The following PRKCQ variants were observed in gnomAD, a reference collection of about 807,000 sequenced individuals.
The protein encoded by PRKCQ is protein kinase C theta.
A neutral mutation model predicts 91.2 loss-of-function variants in PRKCQ; 41 were observed. The ratio of observed to expected loss-of-function variants is 0.45; its 90% CI spans 0.35 to 0.58. PRKCQ has a LOEUF of 0.58. PRKCQ is among the 20% of genes least tolerant of loss of function. PRKCQ has a pLI of 0.00. For missense variants in PRKCQ, 673 were observed against 896.5 expected (o/e 0.75, Z 3.18); for synonymous variants, 307 against 316.9 (o/e 0.97, Z 0.33).
intron 1 of PRKCQ, among the ~76,000 whole-genome samples, chr10:6,567,000 T>A (rs1376357009): frequency 6.6e-6 from 1 of 152,182 alleles, no homozygotes; most frequent in Non-Finnish European, 1.5e-5. Flanking sequence ...GGAGGCCTCA[T>A]GAACCTCCTC....
At chr10:6,397,093 A>G in the PRKCQ span, among the ~76,000 whole-genome samples, 1 of 151,802 alleles carries the variant, frequency 6.6e-6, no homozygotes, top group Non-Finnish European at 1.5e-5. Context: ...AAAAATGTCT[A>G]TTCAAATTAT....
chr10:6,524,779 G>A (rs1008400421), intron 1 of PRKCQ, among the ~76,000 whole-genome samples: 1 of 152,170 alleles, frequency 6.6e-6, no homozygotes, highest in Non-Finnish European at 1.5e-5. Context: ...AGGGTAGTGG[G>A]CCAAGGTCTG....
At chr10:6,564,068 C>T (rs182289113) in intron 1 of PRKCQ, among the ~76,000 whole-genome samples, 2 of 152,234 alleles carry the variant, frequency 1.3e-5, no homozygotes, top group African/African-American at 2.4e-5. Flanking sequence ...TGGGGAGCTA[C>T]GAGGTGCTCA....
chr10:6,513,581 T>C (rs769568337), intron 2 of PRKCQ, among the ~76,000 whole-genome samples: 18 of 152,284 alleles, frequency 1.2e-4, no homozygotes, highest in African/African-American at 4.1e-4. Context: ...ACTTCAAAGA[T>C]GTCTGTGACA....
At chr10:6,526,239 G>A (rs4750565) in intron 1 of PRKCQ, among the ~76,000 whole-genome samples, 12,879 of 152,100 alleles carry the variant, frequency 0.085, 691 homozygotes, top group Middle Eastern at 0.21. Flanking sequence ...TATGATTACA[G>A]TATCCACGAT....
intron 17 of PRKCQ, among the ~76,000 whole-genome samples, chr10:6,429,498 C>T (rs1421486868): frequency 6.6e-6 from 1 of 152,050 alleles, no homozygotes; most frequent in Non-Finnish European, 1.5e-5. Context: ...TTCTTCTGGC[C>T]ATTCGCTATC....
At position 6,497,832 on chromosome 10, in the gene PRKCQ, C is replaced by T. The variant is rs1280546397; in HGVS notation, c.542+564G>A. On this transcript the variant is annotated intron_variant, in intron 5 of 17. Coordinates refer to ENST00000263125, the MANE Select transcript of PRKCQ (RefSeq NM_006257.5). The surrounding 1 kb of genome is among the most constrained non-coding windows in gnomAD (Gnocchi z 4.5). Reference sequence around the variant, plus strand: ...TGTGCTTTAACAGTTTCTGCAGTAGCCTAAAGGGAAGAGTATCCCTTAATA... The same window carrying T: ...TGTGCTTTAACAGTTTCTGCAGTAGTCTAAAGGGAAGAGTATCCCTTAATA... 6.6e-6 allele frequency among the ~76,000 whole-genome samples: 1 copy of T among 152,132 alleles called. No individual in the cohort carries two copies. The highest frequency in any genetic ancestry group is 1.9e-4 in the East Asian group (1 of 5,190).
intron 2 of PRKCQ, 135 bp downstream of exon 2, chr10:6,514,883 G>A (rs917376941): frequency 2.1e-6 from 3 of 1,429,448 alleles, no homozygotes; most frequent in Admixed American, 2.0e-5. Context: ...TGGCTTTGCT[G>A]GGCATCAGCG....
intron 1 of PRKCQ, among the ~76,000 whole-genome samples, chr10:6,557,248 G>A (rs146803020): frequency 7.9e-5 from 12 of 152,220 alleles, no homozygotes; most frequent in Non-Finnish European, 1.8e-4. Flanking sequence ...AGCACTCTGT[G>A]GATCTATCTT....
chr10:6,446,880 G>A (rs1463289416), intron 15 of PRKCQ, among the ~76,000 whole-genome samples: 1 of 152,184 alleles, frequency 6.6e-6, no homozygotes, highest in Non-Finnish European at 1.5e-5. Flanking sequence ...ACCGAACGAC[G>A]CCAGAGCAAG....
rs770483429 is a variant in PRKCQ, at chr10:6,483,544, G to C, written c.1075C>G (p.Leu359Val). ...PLDEVDKMCH[L>V]PEPELNKERP... is the part of the protein sequence containing the mutation. Reference sequence around the variant, plus strand: ...TCTTTGTTCAGTTCAGGTTCTGGAAGATGGCACATTTTATCCACCTCATCC... The same window carrying C: ...TCTTTGTTCAGTTCAGGTTCTGGAACATGGCACATTTTATCCACCTCATCC... The change falls in exon 11 of 18, where the codon CTT becomes GTT. Residue 359 changes from leucine to valine, a missense_variant. Physicochemically the swap from Leu to Val is conservative, Grantham distance 32. Transcript: ENST00000263125. The C allele has an allele frequency of 1.9e-5, 31 of 1,614,118 alleles. No homozygotes were observed. The South Asian group carries it at 3.4e-4, about 18-fold the overall frequency.
chr10:6,490,147 G>A (rs1837202636), intron 8 of PRKCQ, among the ~76,000 whole-genome samples: 1 of 152,102 alleles, frequency 6.6e-6, no homozygotes, highest in Admixed American at 6.5e-5. Context: ...TTGGGGCCAG[G>A]AACGGATTCT....
At chr10:6,414,792 GAA>G in the PRKCQ span, among the ~76,000 whole-genome samples, 5 of 138,596 alleles carry the variant, frequency 3.6e-5, 1 homozygote, top group Admixed American at 3.6e-4. Context: ...AAGTGATAAA[GAA>G]AAAAAAAAAA....
intron 16 of PRKCQ, among the ~76,000 whole-genome samples, chr10:6,435,234 G>A (rs1309086676): frequency 6.6e-6 from 1 of 152,214 alleles, no homozygotes; most frequent in Non-Finnish European, 1.5e-5. Flanking sequence ...GCCCTAGGTG[G>A]GCCAATGGCA....
At chr10:6,550,615 T>C (rs1840145820) in intron 1 of PRKCQ, among the ~76,000 whole-genome samples, 1 of 152,256 alleles carries the variant, frequency 6.6e-6, no homozygotes, top group South Asian at 2.1e-4. Flanking sequence ...TCCATTCATC[T>C]GTTGATGGAT....
At chr10:6,572,712 T>G (rs933893074) in intron 1 of PRKCQ, among the ~76,000 whole-genome samples, 2 of 152,234 alleles carry the variant, frequency 1.3e-5, no homozygotes, top group African/African-American at 2.4e-5. Context: ...TGTATCTTTA[T>G]AACAGAATGG....
the PRKCQ span, among the ~76,000 whole-genome samples, chr10:6,403,184 G>A: frequency 6.6e-6 from 1 of 152,192 alleles, no homozygotes; most frequent in African/African-American, 2.4e-5. Flanking sequence ...GAAGCTCTGT[G>A]CTAAAACACC....
the PRKCQ span, among the ~76,000 whole-genome samples, chr10:6,397,608 C>T: frequency 1.3e-5 from 2 of 152,090 alleles, no homozygotes; most frequent in Admixed American, 1.3e-4. Flanking sequence ...CTCTAGCTTC[C>T]ATATTTGTGA....
the PRKCQ span, among the ~76,000 whole-genome samples, chr10:6,394,214 T>C: frequency 6.6e-6 from 1 of 152,236 alleles, no homozygotes; most frequent in Admixed American, 6.5e-5. Flanking sequence ...AGCACTGGCC[T>C]TGTGATTACG....
Sources: gnomAD v4.1 joint callset for allele counts (sites outside exome capture counted in the v4.1 genomes callset) on GRCh38, gnomAD v4.1.1 for gene constraint, Gnocchi (gnomAD v3.1) non-coding constraint, MANE v1.5 for transcripts, NCBI Gene and HGNC (gene_info 2026-07-23, HGNC 2026-07-21) for gene names.